The following ANKUB1 variants were observed in gnomAD, a reference collection of about 807,000 sequenced individuals.
ANKUB1 encodes the protein ankyrin repeat and ubiquitin domain containing 1.
A neutral mutation model predicts 49.3 loss-of-function variants in ANKUB1; 42 were observed. That is an observed-to-expected ratio of 0.85 (90% CI 0.67 to 1.10). The LOEUF is 1.10. Among genes scored for constraint, ANKUB1 ranks in the 50% least tolerant of loss-of-function variants. The pLI is 0.00. For synonymous variants in ANKUB1, 222 were observed against 231.0 expected, an observed-to-expected ratio of 0.96 and a Z score of 0.35; for missense variants, 613 against 642.0, an observed-to-expected ratio of 0.95 and a Z score of 0.49.
intron 2 of ANKUB1, among the ~76,000 whole-genome samples, chr3:149,781,703 A>G (rs1717879842): frequency 6.6e-6 from 1 of 152,208 alleles, no homozygotes; most frequent in Admixed American, 6.5e-5. Flanking sequence ...AACACATTGC[A>G]GTAATATGGT....
At chr3:149,788,701 A>G (rs921508675) in intron 2 of ANKUB1, among the ~76,000 whole-genome samples, 2 of 152,198 alleles carry the variant, frequency 1.3e-5, no homozygotes, top group South Asian at 4.1e-4. Context: ...TTTTGTAAGT[A>G]AAACTGTGAA....
Position 149,780,436 on chromosome 3 carries a change from A to G in ANKUB1, c.254T>C (p.Leu85Pro). The stretch of plus-strand genomic sequence containing the variant: ...TTGAGTTACAGCATTGAACACGTAT[A>G]GAGTAGGCTTGTCTTCTTCCTAAAG... ...CFVKEEDKPT[L>P]YVFNAVTQDT... The change falls in exon 3 of 6, where the codon CTA becomes CCA. Residue 85 changes from leucine to proline, a missense_variant. Transcript: ENST00000446160. 1 of 1,552,008 alleles carries G rather than the reference A, an allele frequency of 6.4e-7. No individual in the cohort carries two copies. Among genetic ancestry groups the G allele is most frequent in the East Asian group, 2.4e-5 (1 of 40,924 alleles).
chr3:149,791,977 T>G (rs551593661), intron 1 of ANKUB1, among the ~76,000 whole-genome samples: 2 of 152,258 alleles, frequency 1.3e-5, no homozygotes, highest in South Asian at 2.1e-4. Flanking sequence ...GGTCCTTTTA[T>G]GAAGAATTGC....
intron 4 of ANKUB1, among the ~76,000 whole-genome samples, chr3:149,768,402 T>A (rs1041289478): frequency 2.0e-5 from 3 of 150,462 alleles, no homozygotes; most frequent in Non-Finnish European, 4.4e-5. Flanking sequence ...TCTGATCATG[T>A]ACATTCTCTG....
At chr3:149,783,328 C>T (rs192322797) in intron 2 of ANKUB1, 116 of 152,260 alleles carry the variant, frequency 7.6e-4, no homozygotes, top group African/African-American at 2.6e-3. Context: ...CGAAGTCAGA[C>T]GCTATTAAAT....
At chr3:149,780,724 TG>T (rs1384814644) in intron 2 of ANKUB1, among the ~76,000 whole-genome samples, 1 of 152,126 alleles carries the variant, frequency 6.6e-6, no homozygotes, top group Admixed American at 6.5e-5. Flanking sequence ...TACATAAGAG[TG>T]TTGATAATTT....
chr3:149,764,598 TCCTC>T (rs1346834910), intron 5 of ANKUB1, among the ~76,000 whole-genome samples: 16 of 117,708 alleles, frequency 1.4e-4, no homozygotes, highest in Admixed American at 3.5e-4. Flanking sequence ...CTCCCTTCCT[TCCTC>T]CCTCCCTCCC....
At chr3:149,764,745 CCT>C (rs1418722471) in intron 5 of ANKUB1, among the ~76,000 whole-genome samples, 2 of 148,428 alleles carry the variant, frequency 1.3e-5, no homozygotes, top group Non-Finnish European at 3.0e-5. Flanking sequence ...TTCCTTCTTT[CCT>C]CTCTCTCTTT....
At position 149,767,909 on chromosome 3, in the gene ANKUB1, G is replaced by T; in HGVS notation, c.753C>A (p.Gly251=). The change falls in exon 5 of 6, where the codon GGC becomes GGA. Residue 251 remains glycine (G), a synonymous_variant. Coordinates refer to ENST00000446160, the MANE Select transcript of ANKUB1 (RefSeq NM_001144960.3). ...CAAAGGCCTTCAGAATCAACAGTTG[G>T]CCTGCTTCTGCGGCTGCATGAATGG... ...KCPIHAAAEA[G]QLLILKAFVN... 6.4e-7 allele frequency: 1 copy of T among 1,550,920 alleles called. No homozygotes were observed. The highest frequency in any genetic ancestry group is 8.7e-7 in the Non-Finnish European group (1 of 1,146,384).
chr3:149,787,655 A>G (rs1270250634), intron 2 of ANKUB1, among the ~76,000 whole-genome samples: 2 of 152,186 alleles, frequency 1.3e-5, no homozygotes, highest in Non-Finnish European at 2.9e-5. Flanking sequence ...CTATTCTTGT[A>G]TTACCCTTAT....
chr3:149,764,569 T>TCCCC (rs386666983), intron 5 of ANKUB1, among the ~76,000 whole-genome samples: 1 of 123,574 alleles, frequency 8.1e-6, no homozygotes, highest in Admixed American at 7.7e-5. Context: ...CTTCCTTCCT[T>TCCCC]CCCTCCCTCC....
chr3:149,764,354 C>T (rs993137146), intron 5 of ANKUB1, among the ~76,000 whole-genome samples: 1 of 152,018 alleles, frequency 6.6e-6, no homozygotes, highest in South Asian at 2.1e-4. Context: ...GAAGGTGGAA[C>T]AGATCCTGGG....
At chr3:149,769,109 T>C (rs1333013369) in intron 4 of ANKUB1, among the ~76,000 whole-genome samples, 1 of 152,214 alleles carries the variant, frequency 6.6e-6, no homozygotes, top group East Asian at 1.9e-4. Context: ...TTGTAAAATC[T>C]GCTCTTCTAA....
chr3:149,764,998 C>T (rs1424132697), intron 5 of ANKUB1, among the ~76,000 whole-genome samples: 1 of 152,064 alleles, frequency 6.6e-6, no homozygotes, highest in Non-Finnish European at 1.5e-5. Context: ...CAGATGTCCA[C>T]CAAAACTCAT....
intron 2 of ANKUB1, among the ~76,000 whole-genome samples, chr3:149,787,917 A>G (rs538577592): frequency 5.3e-4 from 80 of 152,346 alleles, no homozygotes; most frequent in African/African-American, 1.4e-3. Context: ...TTAGAAAGAA[A>G]AACCACTTAC....
rs1427204677 is a variant in ANKUB1, at chr3:149,761,368, G to A, written c.*116C>T. The A allele has an allele frequency of 3.3e-6, 4 of 1,202,944 alleles. No homozygotes were observed. The highest frequency in any genetic ancestry group is 2.7e-5 in the Admixed American group (1 of 37,698). 74.5% of individuals were successfully genotyped at this position (1,202,944 alleles called of 1,614,324 possible). A position where few individuals can be genotyped will look rare whatever the true frequency, so the allele number is the denominator to read the frequency against. On this transcript the variant is annotated 3_prime_UTR_variant, in exon 6 of 6. Transcript: ENST00000446160. The stretch of plus-strand genomic sequence containing the variant: ...TAAATATCCTATTAAAAGTTATGTG[G>A]CATTATAACTGTTACTAGAGATGAT...
At chr3:149,784,439 A>G (rs1222347597) in intron 2 of ANKUB1, among the ~76,000 whole-genome samples, 5 of 152,192 alleles carry the variant, frequency 3.3e-5, no homozygotes, top group African/African-American at 1.2e-4. Flanking sequence ...AGCAACAGAC[A>G]CAGGAAAGTC....
In ANKUB1 at chr3:149,761,393, T is replaced by C. The variant is rs1375126854; in HGVS notation, c.*91A>G. The C allele has an allele frequency of 7.1e-7, 1 of 1,399,224 alleles. No individual in the cohort carries two copies. The highest frequency in any genetic ancestry group is 9.6e-7 in the Non-Finnish European group (1 of 1,038,942). 86.7% of individuals were successfully genotyped at this position (1,399,224 alleles called of 1,614,324 possible). A position where few individuals can be genotyped will look rare whatever the true frequency, so the allele number is the denominator to read the frequency against. On this transcript the variant is annotated 3_prime_UTR_variant, in exon 6 of 6. Coordinates refer to ENST00000446160, the MANE Select transcript of ANKUB1 (RefSeq NM_001144960.3). ...GCATTATAACTGTTACTAGAGATGA[T>C]AACATTAGAACTGTTATTAGAAATG...
At chr3:149,786,005 T>C (rs1255831024) in intron 2 of ANKUB1, among the ~76,000 whole-genome samples, 1 of 152,210 alleles carries the variant, frequency 6.6e-6, no homozygotes, top group East Asian at 1.9e-4. Flanking sequence ...ATTTCTCTGA[T>C]GGCCAGTGAT....
Sources: allele counts gnomAD v4.1 joint callset (sites outside exome capture counted in the v4.1 genomes callset), GRCh38; gene constraint gnomAD v4.1.1; transcripts MANE v1.5; gene names NCBI Gene and HGNC (gene_info 2026-07-23, HGNC 2026-07-21).